Variants in LHFPL6 observed in about 807,000 individuals in gnomAD.
LHFPL6 encodes the protein LHFPL tetraspan subfamily member 6.
A neutral mutation model predicts 20.6 loss-of-function variants in LHFPL6; 9 were observed. The ratio of observed to expected loss-of-function variants is 0.44; its 90% CI spans 0.26 to 0.76. LHFPL6 has a LOEUF of 0.76. LHFPL6 is among the 30% of genes least tolerant of loss of function. The pLI, the probability that LHFPL6 is intolerant of heterozygous loss-of-function variation, is 0.20. For synonymous variants in LHFPL6, 105 were observed against 98.7 expected (o/e 1.06, Z -0.38); for missense variants, 218 against 253.5 (o/e 0.86, Z 0.95).
intron 2 of LHFPL6, among the ~76,000 whole-genome samples, chr13:39,550,970 GATTC>G (rs1871130726): frequency 6.6e-6 from 1 of 152,068 alleles, no homozygotes. Context: ...CATTTACCCA[GATTC>G]ACTGACCTTT....
At chr13:39,516,357 C>A (rs1259742010) in intron 2 of LHFPL6, among the ~76,000 whole-genome samples, 1 of 152,258 alleles carries the variant, frequency 6.6e-6, no homozygotes, top group Non-Finnish European at 1.5e-5. Context: ...TTCCACTCCG[C>A]TCAAGCGTCC....
At chr13:39,377,764 T>C (rs1402192567) in intron 3 of LHFPL6, among the ~76,000 whole-genome samples, 1 of 152,140 alleles carries the variant, frequency 6.6e-6, no homozygotes, top group Non-Finnish European at 1.5e-5. Flanking sequence ...AAAAACAAAT[T>C]TGTGAGTTAA....
At position 39,385,562 on chromosome 13, in the gene LHFPL6, G is replaced by T. The variant is rs140504067; in HGVS notation, c.386-7036C>A. Among the ~76,000 whole-genome samples, 5 of 152,328 alleles carry T rather than the reference G, an allele frequency of 3.3e-5. No homozygotes were observed. The East Asian group carries it at 9.6e-4, about 29-fold the overall frequency. ...GGAGCGTTCCTAGTAGAAACTCTTC[G>T]ATTTCACAAAATGCTAGAAATATCA... On this transcript the variant is annotated intron_variant, in intron 2 of 3. Transcript: ENST00000379589.
At chr13:39,596,920 C>A (rs987150286) in intron 2 of LHFPL6, among the ~76,000 whole-genome samples, 1 of 152,168 alleles carries the variant, frequency 6.6e-6, no homozygotes, top group Non-Finnish European at 1.5e-5. Context: ...CAAGCAGTCT[C>A]CCTCAAGTCA....
chr13:39,524,964 A>G (rs1353595804), intron 2 of LHFPL6, among the ~76,000 whole-genome samples: 1 of 152,252 alleles, frequency 6.6e-6, no homozygotes, highest in Non-Finnish European at 1.5e-5. Context: ...ATTTTCTGCC[A>G]GGAGTGACAA....
At chr13:39,368,615 A>G (rs192453609) in intron 3 of LHFPL6, among the ~76,000 whole-genome samples, 14 of 151,560 alleles carry the variant, frequency 9.2e-5, no homozygotes, top group Admixed American at 9.2e-4. Flanking sequence ...AAAGACACAA[A>G]ATCCTCAGAA....
At chr13:39,537,770 C>A (rs1487698197) in intron 2 of LHFPL6, among the ~76,000 whole-genome samples, 1 of 152,032 alleles carries the variant, frequency 6.6e-6, no homozygotes, top group Non-Finnish European at 1.5e-5. Flanking sequence ...AATAGGCCTA[C>A]CCCCATTCTG....
intron 2 of LHFPL6, among the ~76,000 whole-genome samples, chr13:39,389,645 A>G (rs1447827160): frequency 1.3e-5 from 2 of 152,150 alleles, no homozygotes; most frequent in African/African-American, 4.8e-5. Context: ...AGAGCAACGC[A>G]CACCAATTCC....
At position 39,420,037 on chromosome 13, in the gene LHFPL6, C is replaced by T. The variant is rs555716568; in HGVS notation, c.386-41511G>A. ...CTGTGTGTTCCTAGAAGGTCTGGAT[C>T]ACCAGCTGTGTTTGCACCTGCTTAG... On this transcript the variant is annotated intron_variant, in intron 2 of 3. Coordinates refer to ENST00000379589, the MANE Select transcript of LHFPL6 (RefSeq NM_005780.3). Among the ~76,000 whole-genome samples the T allele has an allele frequency of 1.2e-3, 182 of 152,264 alleles. 1 individual carries two copies. The highest frequency in any genetic ancestry group is 4.2e-3 in the African/African-American group (175 of 41,558).
At chr13:39,477,838 C>T (rs538880916) in intron 2 of LHFPL6, among the ~76,000 whole-genome samples, 1 of 152,266 alleles carries the variant, frequency 6.6e-6, no homozygotes, top group South Asian at 2.1e-4. Flanking sequence ...CATCTAGAAG[C>T]ATATCATAGA....
intron 2 of LHFPL6, among the ~76,000 whole-genome samples, chr13:39,594,287 C>T (rs1347624365): frequency 6.6e-6 from 1 of 152,152 alleles, no homozygotes; most frequent in Admixed American, 6.5e-5. Context: ...CCACACAACC[C>T]CATCAAAAAG....
At chr13:39,567,683 A>G (rs1050759874) in intron 2 of LHFPL6, among the ~76,000 whole-genome samples, 3 of 152,206 alleles carry the variant, frequency 2.0e-5, no homozygotes, top group African/African-American at 7.2e-5. Context: ...CTGTGGCCAA[A>G]CAAAAACAGG....
At chr13:39,460,255 G>T (rs1872659994) in intron 2 of LHFPL6, among the ~76,000 whole-genome samples, 1 of 152,156 alleles carries the variant, frequency 6.6e-6, no homozygotes, top group African/African-American at 2.4e-5. Context: ...ACAAGTTAAG[G>T]TTCAAGAATA....
intron 2 of LHFPL6, among the ~76,000 whole-genome samples, chr13:39,558,292 C>T (rs1012699198): frequency 6.6e-6 from 1 of 152,108 alleles, no homozygotes; most frequent in Non-Finnish European, 1.5e-5. Context: ...ATAATTCCTG[C>T]CTCGCGGTAG....
intron 2 of LHFPL6, among the ~76,000 whole-genome samples, chr13:39,538,313 T>C (rs1870691004): frequency 6.6e-6 from 1 of 151,436 alleles, no homozygotes; most frequent in Non-Finnish European, 1.5e-5. Context: ...TTTAAAATAA[T>C]TTGTTGACTA....
chr13:39,557,115 C>A (rs1279007127), intron 2 of LHFPL6, among the ~76,000 whole-genome samples: 6 of 152,128 alleles, frequency 3.9e-5, no homozygotes, highest in Non-Finnish European at 1.5e-5. Context: ...TGTTACTATC[C>A]AAGACAACAA....
intron 3 of LHFPL6, among the ~76,000 whole-genome samples, chr13:39,377,789 T>C (rs1870328228): frequency 6.6e-6 from 1 of 152,238 alleles, no homozygotes; most frequent in South Asian, 2.1e-4. Context: ...CTTTTATCAA[T>C]GTGCAGACTC....
At chr13:39,542,706 T>G (rs900058166) in intron 2 of LHFPL6, among the ~76,000 whole-genome samples, 1 of 152,172 alleles carries the variant, frequency 6.6e-6, no homozygotes, top group Admixed American at 6.5e-5. Flanking sequence ...CCAACATGAT[T>G]TAATCAACTT....
intron 2 of LHFPL6, among the ~76,000 whole-genome samples, chr13:39,587,835 G>A (rs1872497088): frequency 6.6e-6 from 1 of 152,040 alleles, no homozygotes. Flanking sequence ...TTCCTGACTA[G>A]GGTAGGATCA....
Sources: allele counts gnomAD v4.1 joint callset (sites outside exome capture counted in the v4.1 genomes callset), GRCh38; gene constraint gnomAD v4.1.1; transcripts MANE v1.5; gene names NCBI Gene and HGNC (gene_info 2026-07-23, HGNC 2026-07-21).